Variants in ZNF385B observed in about 807,000 individuals in gnomAD.
The protein encoded by ZNF385B is zinc finger protein 385B, also known as zinc finger protein 533.
In ZNF385B, 23 loss-of-function variants were observed where a neutral mutation model predicts 39.2. The ratio of observed to expected loss-of-function variants is 0.59; its 90% CI spans 0.42 to 0.83. ZNF385B has a LOEUF of 0.83. Among genes scored for constraint, ZNF385B ranks in the 40% least tolerant of loss-of-function variants. The probability of loss-of-function intolerance (pLI) is 0.00; values close to 1 mark genes in which losing one functional copy is unlikely to be tolerated. For missense variants in ZNF385B, 552 were observed against 598.9 expected (o/e 0.92, Z 0.82); for synonymous variants, 205 against 222.6 (o/e 0.92, Z 0.70).
chr2:179,838,569 G>T (rs1014632643), intron 1 of ZNF385B, among the ~76,000 whole-genome samples: 1 of 152,078 alleles, frequency 6.6e-6, no homozygotes, highest in African/African-American at 2.4e-5. Flanking sequence ...AACTCCAAAG[G>T]AAATGCTTGC....
intron 3 of ZNF385B, among the ~76,000 whole-genome samples, chr2:179,707,793 A>G (rs1699726235): frequency 6.6e-6 from 1 of 152,220 alleles, no homozygotes; most frequent in South Asian, 2.1e-4. Context: ...TCTGGCAACA[A>G]ATGTGTTATG....
chr2:179,699,147 C>A (rs1228939027), intron 3 of ZNF385B, among the ~76,000 whole-genome samples: 14 of 151,744 alleles, frequency 9.2e-5, no homozygotes, highest in African/African-American at 2.4e-5. Context: ...ACCATTTTAA[C>A]CATTTTTAAA....
chr2:179,612,554 G>T (rs1005225875), intron 3 of ZNF385B, among the ~76,000 whole-genome samples: 1 of 152,110 alleles, frequency 6.6e-6, no homozygotes, highest in Non-Finnish European at 1.5e-5. Flanking sequence ...AGATACTCTT[G>T]TTCTCTTCCC....
chr2:179,569,350 C>T (rs1684952866), intron 3 of ZNF385B, among the ~76,000 whole-genome samples: 1 of 152,204 alleles, frequency 6.6e-6, no homozygotes, highest in Admixed American at 6.5e-5. Context: ...GCATATTTTA[C>T]TTTTAAACAT....
At chr2:179,811,912 G>A (rs907730968) in intron 1 of ZNF385B, among the ~76,000 whole-genome samples, 3 of 152,056 alleles carry the variant, frequency 2.0e-5, no homozygotes, top group African/African-American at 7.2e-5. Context: ...TCTGACAAAT[G>A]TCTAATATCC....
chr2:179,718,972 A>G (rs539951513), intron 3 of ZNF385B, among the ~76,000 whole-genome samples: 93 of 140,832 alleles, frequency 6.6e-4, no homozygotes, highest in East Asian at 3.9e-3. Context: ...GTGTGTGTGT[A>G]TATATATTTT....
chr2:179,512,296 C>G (rs1404606589), intron 5 of ZNF385B, among the ~76,000 whole-genome samples: 1 of 151,872 alleles, frequency 6.6e-6, no homozygotes, highest in Non-Finnish European at 1.5e-5. Context: ...AATCAAGTTG[C>G]CCTGTTTTGT....
intron 1 of ZNF385B, among the ~76,000 whole-genome samples, chr2:179,824,207 T>C (rs1351798003): frequency 1.3e-5 from 2 of 152,122 alleles, no homozygotes; most frequent in Admixed American, 6.6e-5. Flanking sequence ...GTCTGGTCCA[T>C]GTGACCATCA....
intron 3 of ZNF385B, among the ~76,000 whole-genome samples, chr2:179,626,174 T>C (rs1690648294): frequency 6.6e-6 from 1 of 152,160 alleles, no homozygotes; most frequent in African/African-American, 2.4e-5. Flanking sequence ...CTTTTCTATG[T>C]GTGGCATACT....
chr2:179,650,784 A>G (rs139125867), intron 3 of ZNF385B, among the ~76,000 whole-genome samples: 238 of 152,324 alleles, frequency 1.6e-3, no homozygotes, highest in African/African-American at 5.3e-3. Context: ...GTTTATCTAT[A>G]CAACATTATG....
chr2:179,750,067 T>A (rs1702585552), intron 3 of ZNF385B, among the ~76,000 whole-genome samples: 1 of 152,138 alleles, frequency 6.6e-6, no homozygotes, highest in Admixed American at 6.5e-5. Context: ...ACACCCTTGT[T>A]TGACAGTTTT....
intron 3 of ZNF385B, among the ~76,000 whole-genome samples, chr2:179,699,253 A>G (rs1489577979): frequency 6.6e-6 from 1 of 152,064 alleles, no homozygotes; most frequent in East Asian, 1.9e-4. Flanking sequence ...ACTGAAACTC[A>G]CTCCATTAAA....
intron 1 of ZNF385B, among the ~76,000 whole-genome samples, chr2:179,830,025 C>T (rs963920034): frequency 2.0e-5 from 3 of 152,182 alleles, no homozygotes; most frequent in Admixed American, 2.0e-4. Context: ...CAACACTCAA[C>T]AAAAGAGCCC....
chr2:179,482,578 T>C (rs2054115867), intron 6 of ZNF385B, among the ~76,000 whole-genome samples: 4 of 152,252 alleles, frequency 2.6e-5, no homozygotes, highest in Admixed American at 2.6e-4. Context: ...ACTGGGACTA[T>C]GAAATATAGA....
chr2:179,739,120 C>T (rs1251881277), intron 3 of ZNF385B, among the ~76,000 whole-genome samples: 1 of 152,138 alleles, frequency 6.6e-6, no homozygotes, highest in African/African-American at 2.4e-5. Context: ...TTCAGTTTCC[C>T]TAATGCTTAC....
intron 1 of ZNF385B, among the ~76,000 whole-genome samples, chr2:179,860,563 T>C (rs1382571101): frequency 6.6e-6 from 1 of 152,076 alleles, no homozygotes; most frequent in Non-Finnish European, 1.5e-5. Flanking sequence ...AAGTGCAAAC[T>C]TCGGGGACCT....
At chr2:179,618,038 A>G (rs549061283) in intron 3 of ZNF385B, among the ~76,000 whole-genome samples, 7 of 152,256 alleles carry the variant, frequency 4.6e-5, no homozygotes, top group Non-Finnish European at 8.8e-5. Flanking sequence ...CCTGAGAAAG[A>G]GGGAACAAAA....
In ZNF385B at chr2:179,519,567, T is replaced by C. The variant is rs568478897; in HGVS notation, c.442-929A>G. Among the ~76,000 whole-genome samples, 24 of 152,294 alleles carry C rather than the reference T, an allele frequency of 1.6e-4. No individual in the cohort carries two copies. In the Middle Eastern group the frequency reaches 0.014, roughly 86 times the overall value. On this transcript the variant is annotated intron_variant, in intron 4 of 9. Coordinates refer to ENST00000410066, the MANE Select transcript of ZNF385B (RefSeq NM_152520.6). ...CAGAAAAAGTATGGCACATAGTCAT[T>C]AAAACACTCAGGAAAAGAAACACCT...
intron 6 of ZNF385B, among the ~76,000 whole-genome samples, chr2:179,467,817 A>C (rs556464671): frequency 1.1e-3 from 166 of 151,640 alleles, no homozygotes; most frequent in African/African-American, 3.7e-3. Flanking sequence ...AAAAAAAAAA[A>C]CAACAAAATA....
Sources: gnomAD v4.1 joint callset for allele counts (sites outside exome capture counted in the v4.1 genomes callset) on GRCh38, gnomAD v4.1.1 for gene constraint, MANE v1.5 for transcripts, NCBI Gene and HGNC (gene_info 2026-07-23, HGNC 2026-07-21) for gene names.